The following ZNRF2 variants were observed in gnomAD, a reference collection of about 807,000 sequenced individuals.
The protein encoded by ZNRF2 is E3 ubiquitin-protein ligase ZNRF2.
In ZNRF2, 16 loss-of-function variants were observed where a neutral mutation model predicts 20.4. The observed-to-expected ratio is 0.79, with a 90% confidence interval of 0.53 to 1.19. ZNRF2 has a LOEUF of 1.19. Among genes scored for constraint, ZNRF2 ranks in the 50% most tolerant of loss-of-function variants. The pLI is 0.00. For missense variants in ZNRF2, 363 were observed against 332.4 expected (o/e 1.09, Z -0.72); for synonymous variants, 178 against 144.9 (o/e 1.23, Z -1.64).
chr7:30,336,127 T>G (rs1392388850), intron 2 of ZNRF2, among the ~76,000 whole-genome samples: 1 of 152,204 alleles, frequency 6.6e-6, no homozygotes, highest in Non-Finnish European at 1.5e-5. Flanking sequence ...CAAAGGATGC[T>G]TGAATATTTT....
chr7:30,355,844 C>G lies in ZNRF2; in HGVS notation c.671+11C>G. 1.3e-6 allele frequency: 2 copies of G among 1,590,202 alleles called. No individual in the cohort carries two copies. Among genetic ancestry groups the G allele is most frequent in the Non-Finnish European group, 1.7e-6 (2 of 1,159,862 alleles). ...CATATATCATAAAGGGTAAGTTCAC[C>G]AAGTTGGTATTAGAGTAAAAGATTG... On this transcript the variant is annotated intron_variant, in intron 3 of 4. Coordinates refer to ENST00000323037, the MANE Select transcript of ZNRF2 (RefSeq NM_147128.4).
At chr7:30,355,113 G>A (rs999796769) in intron 2 of ZNRF2, among the ~76,000 whole-genome samples, 2 of 152,014 alleles carry the variant, frequency 1.3e-5, no homozygotes, top group Non-Finnish European at 2.9e-5. Flanking sequence ...TTAATGCCTG[G>A]AGTAGGCTTG....
chr7:30,343,148 A>G (rs1799822240), intron 2 of ZNRF2, among the ~76,000 whole-genome samples: 1 of 152,080 alleles, frequency 6.6e-6, no homozygotes, highest in Non-Finnish European at 1.5e-5. Context: ...CCGTATCTCT[A>G]TTTAAAAAAT....
At chr7:30,308,769 A>G (rs904798370) in intron 1 of ZNRF2, among the ~76,000 whole-genome samples, 4 of 152,096 alleles carry the variant, frequency 2.6e-5, no homozygotes, top group Non-Finnish European at 5.9e-5. Context: ...TTATTTTTTT[A>G]AATTAGAATT....
At chr7:30,301,293 G>A (rs1799109680) in intron 1 of ZNRF2, among the ~76,000 whole-genome samples, 1 of 152,232 alleles carries the variant, frequency 6.6e-6, no homozygotes, top group South Asian at 2.1e-4. Context: ...GACCAGCCTG[G>A]CCAACATGGT....
intron 1 of ZNRF2, among the ~76,000 whole-genome samples, chr7:30,300,603 T>C (rs185557870): frequency 1.3e-5 from 2 of 152,370 alleles, no homozygotes; most frequent in Non-Finnish European, 2.9e-5. Flanking sequence ...TGATATTAAG[T>C]GTTTTAAATA....
chr7:30,337,824 C>CTA (rs1291681852), intron 2 of ZNRF2, among the ~76,000 whole-genome samples: 2 of 151,502 alleles, frequency 1.3e-5, no homozygotes, highest in African/African-American at 4.9e-5. Context: ...TGCATGGTTC[C>CTA]TATGCAAAGA....
Position 30,285,588 on chromosome 7 carries a change from C to T in ZNRF2, c.231C>T (p.Ala77=). The change falls in exon 1 of 5, where the codon GCC becomes GCT. Residue 77 remains alanine (A), a synonymous_variant. Coordinates refer to ENST00000323037, the MANE Select transcript of ZNRF2 (RefSeq NM_147128.4). ...CGGCGGCCCCGGCAGCCCCGGCGGC[C>T]CCGCGCAGCCGCTCCCTCGGCGGGG... The part of the protein sequence containing the change: ...AAAAAPAAPA[A]PRSRSLGGAV... 9.2e-7 allele frequency: 1 copy of T among 1,082,054 alleles called. No individual in the cohort carries two copies. Among genetic ancestry groups the T allele is most frequent in the East Asian group, 5.3e-5 (1 of 18,912 alleles). 67.0% of individuals were successfully genotyped at this position (1,082,054 alleles called of 1,614,324 possible). A position where few individuals can be genotyped will look rare whatever the true frequency, so the allele number is the denominator to read the frequency against.
intron 1 of ZNRF2, chr7:30,289,955 A>G (rs1447072023): frequency 1.9e-6 from 1 of 518,828 alleles, no homozygotes; most frequent in African/African-American, 2.0e-5. Flanking sequence ...ATTACCAAAT[A>G]TCATTAATGA....
rs1429719836 is a variant in ZNRF2, at chr7:30,285,206, C to G, written c.-152C>G. 2 of 509,732 alleles carry G rather than the reference C, an allele frequency of 3.9e-6. No individual in the cohort carries two copies. Among genetic ancestry groups the G allele is most frequent in the East Asian group, 1.2e-4 (1 of 8,024 alleles). 31.6% of individuals were successfully genotyped at this position (509,732 alleles called of 1,614,324 possible). ...AGAAGAGCGCGCCGGGCGCCGACTG[C>G]CCCTCTGGACGCCGGGCGGCGGCCC... On this transcript the variant is annotated 5_prime_UTR_variant, in exon 1 of 5. Coordinates refer to ENST00000323037, the MANE Select transcript of ZNRF2 (RefSeq NM_147128.4).
Position 30,314,788 on chromosome 7 carries a change from A to AATATATATAT in ZNRF2, c.470-8847_470-8838dup, listed in dbSNP as rs139581545. Among the ~76,000 whole-genome samples the AATATATATAT allele has an allele frequency of 2.6e-4, 39 of 148,112 alleles. 1 individual carries two copies. Among genetic ancestry groups the AATATATATAT allele is most frequent in the Non-Finnish European group, 8.9e-5 (6 of 67,134 alleles). The stretch of plus-strand genomic sequence containing the variant: ...TCTGCATAGTTTTCCAAATATGGGA[A>AATATATATAT]ATATATATATATATATGTATATATG... On this transcript the variant is annotated intron_variant, in intron 1 of 4. Coordinates refer to ENST00000323037, the MANE Select transcript of ZNRF2 (RefSeq NM_147128.4).
intron 1 of ZNRF2, among the ~76,000 whole-genome samples, chr7:30,299,959 A>G (rs1248912592): frequency 1.3e-5 from 2 of 149,912 alleles, no homozygotes; most frequent in African/African-American, 4.9e-5. Flanking sequence ...TTTTGTGTGT[A>G]TTTTTAATAG....
At chr7:30,338,547 T>G (rs1257695590) in intron 2 of ZNRF2, among the ~76,000 whole-genome samples, 1 of 151,820 alleles carries the variant, frequency 6.6e-6, no homozygotes, top group South Asian at 2.1e-4. Context: ...GTTCCTGTGT[T>G]AGTTTGCTGA....
chr7:30,345,291 T>A (rs1034066144), intron 2 of ZNRF2, among the ~76,000 whole-genome samples: 2 of 152,082 alleles, frequency 1.3e-5, no homozygotes, highest in African/African-American at 2.4e-5. Context: ...TTTCTTCTAG[T>A]GCTTCTTCTA....
chr7:30,286,795 C>A (rs1274597064), intron 1 of ZNRF2, among the ~76,000 whole-genome samples: 1 of 152,170 alleles, frequency 6.6e-6, no homozygotes, highest in Non-Finnish European at 1.5e-5. Context: ...CATTTCATCG[C>A]ATTATGTATC....
At chr7:30,294,778 C>G (rs1263496722) in intron 1 of ZNRF2, among the ~76,000 whole-genome samples, 1 of 151,872 alleles carries the variant, frequency 6.6e-6, no homozygotes, top group Non-Finnish European at 1.5e-5. Flanking sequence ...GAGCAAGACT[C>G]CATCTCAGAA....
At chr7:30,301,700 TA>T (rs61418583) in intron 1 of ZNRF2, among the ~76,000 whole-genome samples, 14,044 of 115,670 alleles carry the variant, frequency 0.12, 1,024 homozygotes, top group African/African-American at 0.26. Context: ...AGGCTTTTTT[TA>T]AAAAAAAAAA....
chr7:30,318,272 C>G (rs1252799161), intron 1 of ZNRF2, among the ~76,000 whole-genome samples: 2 of 152,108 alleles, frequency 1.3e-5, no homozygotes, highest in South Asian at 2.1e-4. Flanking sequence ...TCATCTGTCT[C>G]TAATGTAGTC....
At chr7:30,309,692 G>A (rs920990941) in intron 1 of ZNRF2, among the ~76,000 whole-genome samples, 1 of 152,158 alleles carries the variant, frequency 6.6e-6, no homozygotes, top group African/African-American at 2.4e-5. Flanking sequence ...GAAAGTACAG[G>A]AAACTAACCT....
Sources: allele counts gnomAD v4.1 joint callset (sites outside exome capture counted in the v4.1 genomes callset), GRCh38; gene constraint gnomAD v4.1.1; transcripts MANE v1.5; gene names NCBI Gene and HGNC (gene_info 2026-07-23, HGNC 2026-07-21).